BDNF: variants seen among roughly 807,000 people sequenced by gnomAD.
BDNF encodes the protein neurotrophic factor BDNF precursor form.
In BDNF, 1 loss-of-function variant was observed where a neutral mutation model predicts 19.5. The observed-to-expected ratio is 0.05, with a 90% CI of 0.02 to 0.24. BDNF has a LOEUF of 0.24. Among genes scored for constraint, BDNF ranks in the 10% least tolerant of loss-of-function variants. The pLI, the probability that BDNF is intolerant of heterozygous loss-of-function variation, is 1.00. For synonymous variants in BDNF, 100 were observed against 121.6 expected (o/e 0.82, Z 1.17); for missense variants, 195 against 317.6 (o/e 0.61, Z 2.93).
In BDNF at chr11:27,674,066, G is replaced by T. The variant is rs748698239; in HGVS notation, c.-21-15481C>A. The T allele has an allele frequency of 2.1e-5, 34 of 1,604,648 alleles. No individual in the cohort carries two copies. The African/African-American group carries it at 4.5e-4, about 21-fold the overall frequency. On this transcript the variant is annotated intron_variant, in intron 1 of 1. Coordinates refer to ENST00000356660, the MANE Select transcript of BDNF (RefSeq NM_001709.5). ...TTAGCTCTCTGTTACTCACCTTTATGAAACCATTTTCAGGGATCAGTTTGT... is the reference window on the plus strand; with the variant it reads ...TTAGCTCTCTGTTACTCACCTTTATTAAACCATTTTCAGGGATCAGTTTGT...
upstream of BDNF, among the ~76,000 whole-genome samples, chr11:27,704,744 C>T (rs540850338): frequency 2.0e-5 from 3 of 152,172 alleles, no homozygotes; most frequent in African/African-American, 7.2e-5. Context: ...CACTCGCAAT[C>T]CTTGAAATTC....
At chr11:27,678,544 A>G (rs928111449) in intron 1 of BDNF, among the ~76,000 whole-genome samples, 3 of 152,192 alleles carry the variant, frequency 2.0e-5, no homozygotes, top group African/African-American at 7.2e-5. Flanking sequence ...AATTAGGGAG[A>G]TGTAACTGGG....
At chr11:27,677,807 A>C (rs1403638373) in intron 1 of BDNF, 2 of 152,220 alleles carry the variant, frequency 1.3e-5, no homozygotes, top group African/African-American at 4.8e-5. Flanking sequence ...TTAACAAAAC[A>C]TTTAATCTAG....
chr11:27,656,595 C>T lies in BDNF; in HGVS notation c.*1226G>A, dbSNP rs1590210374. On this transcript the variant is annotated 3_prime_UTR_variant, in exon 2 of 2. Coordinates refer to ENST00000356660, the MANE Select transcript of BDNF (RefSeq NM_001709.5). ...TAAATGCAATGCCAACTCCACATAG[C>T]CTCCATTTGGCTGTTCAGTCTCATG... The T allele has an allele frequency of 1.0e-6, 1 of 985,816 alleles. No homozygotes were observed. Among genetic ancestry groups the T allele is most frequent in the East Asian group, 1.1e-4 (1 of 8,798 alleles). 61.1% of individuals were successfully genotyped at this position (985,816 alleles called of 1,614,324 possible).
chr11:27,670,945 G>GA (rs1400700528), intron 1 of BDNF, among the ~76,000 whole-genome samples: 73 of 152,272 alleles, frequency 4.8e-4, no homozygotes, highest in African/African-American at 1.7e-3. Context: ...CTACTATAAA[G>GA]ACACATGCAC....
intron 1 of BDNF, chr11:27,676,126 T>G (rs929850335): frequency 6.6e-6 from 1 of 152,252 alleles, no homozygotes; most frequent in African/African-American, 2.4e-5. Context: ...ATGTCTGTTA[T>G]GAAAGCCTTC....
chr11:27,665,401 T>C, intron 1 of BDNF: 1 of 152,556 alleles, frequency 6.6e-6, no homozygotes, highest in Non-Finnish European at 1.5e-5. Flanking sequence ...AGGTACCGGG[T>C]TCATCTCACT....
chr11:27,662,421 C>T (rs139166493), intron 1 of BDNF, among the ~76,000 whole-genome samples: 2 of 152,128 alleles, frequency 1.3e-5, no homozygotes, highest in Non-Finnish European at 1.5e-5. Flanking sequence ...TCGTAAGAAG[C>T]CTTTTCATTT....
At chr11:27,684,058 G>T (rs556526334) in intron 1 of BDNF, among the ~76,000 whole-genome samples, 11,965 of 152,088 alleles carry the variant, frequency 0.079, 604 homozygotes, top group South Asian at 0.24. Context: ...TCTTCCATTT[G>T]TTTGTGTCCT....
intron 1 of BDNF, among the ~76,000 whole-genome samples, chr11:27,713,852 A>G (rs1157723680): frequency 1.3e-5 from 2 of 152,220 alleles, no homozygotes; most frequent in Admixed American, 6.5e-5. Flanking sequence ...TACAAGCTAC[A>G]GCTTTCTCCC....
chr11:27,674,347 A>G, intron 1 of BDNF: 6 of 1,533,096 alleles, frequency 3.9e-6, no homozygotes, highest in Non-Finnish European at 5.3e-6. Flanking sequence ...ACTTAACTGT[A>G]AAGCACAGGA....
intron 1 of BDNF, chr11:27,674,290 T>C (rs760530924): frequency 6.4e-7 from 1 of 1,556,508 alleles, no homozygotes; most frequent in Non-Finnish European, 8.7e-7. Context: ...CACATCCAGT[T>C]GTCCTTCGGG....
intron 1 of BDNF, among the ~76,000 whole-genome samples, chr11:27,717,951 A>C (rs1322374503): frequency 4.6e-5 from 7 of 152,084 alleles, no homozygotes; most frequent in African/African-American, 1.4e-4. Context: ...CAAGGTTACA[A>C]GACTTAGACT....
chr11:27,666,541 C>T (rs567929314), intron 1 of BDNF, among the ~76,000 whole-genome samples: 15 of 152,212 alleles, frequency 9.9e-5, no homozygotes, highest in Admixed American at 4.6e-4. Context: ...AAACATTAGA[C>T]GAATGGCTAA....
At chr11:27,700,661 G>C, upstream of BDNF, 1 of 1,031,388 alleles carries the variant, frequency 9.7e-7, no homozygotes, top group African/African-American at 1.7e-5. Context: ...CCGCTCCCCC[G>C]GGGCCTGTCC....
At chr11:27,669,582 C>A (rs1435058014) in intron 1 of BDNF, among the ~76,000 whole-genome samples, 2 of 152,050 alleles carry the variant, frequency 1.3e-5, no homozygotes, top group Non-Finnish European at 2.9e-5. Flanking sequence ...AATCAATGTG[C>A]AAAAATCACA....
At chr11:27,700,667 T>C, upstream of BDNF, 12 of 1,069,274 alleles carry the variant, frequency 1.1e-5, no homozygotes, top group Non-Finnish European at 1.3e-5. Flanking sequence ...CCCCGGGGCC[T>C]GTCCTCACCT....
intron 1 of BDNF, among the ~76,000 whole-genome samples, chr11:27,710,990 T>C (rs1860302057): frequency 6.6e-6 from 1 of 152,308 alleles, no homozygotes; most frequent in South Asian, 2.1e-4. Flanking sequence ...TATGTCTGGA[T>C]CATTCTGTAT....
At chr11:27,713,570 CG>C (rs1860417892) in intron 1 of BDNF, among the ~76,000 whole-genome samples, 1 of 152,088 alleles carries the variant, frequency 6.6e-6, no homozygotes, top group Admixed American at 6.5e-5. Flanking sequence ...TTCCTTGAAG[CG>C]GGAGGAATCA....
Sources: gnomAD v4.1 joint callset for allele counts (sites outside exome capture counted in the v4.1 genomes callset) on GRCh38, gnomAD v4.1.1 for gene constraint, MANE v1.5 for transcripts, NCBI Gene and HGNC (gene_info 2026-07-23, HGNC 2026-07-21) for gene names.